RNLS: variants seen among roughly 807,000 people sequenced by gnomAD.
RNLS encodes renalase, FAD dependent amine oxidase, also known as renalase.
A neutral mutation model predicts 39.8 loss-of-function variants in RNLS; 39 were observed. The ratio of observed to expected loss-of-function variants is 0.98; its 90% CI spans 0.76 to 1.28. The LOEUF (loss-of-function observed/expected upper bound fraction) is 1.28. RNLS is among the 50% of genes most tolerant of loss of function. RNLS has a pLI of 0.00. For missense variants in RNLS, 410 were observed against 413.3 expected, an observed-to-expected ratio of 0.99 and a Z score of 0.07; for synonymous variants, 147 against 150.7, an observed-to-expected ratio of 0.98 and a Z score of 0.18.
chr10:88,443,490 C>T (rs1043157087), intron 4 of RNLS, among the ~76,000 whole-genome samples: 9 of 152,118 alleles, frequency 5.9e-5, no homozygotes, highest in African/African-American at 9.7e-5. Flanking sequence ...TGCAGCACAC[C>T]GAGCGTGAGC....
chr10:88,535,090 G>A (rs1847668083), intron 4 of RNLS, among the ~76,000 whole-genome samples: 1 of 151,918 alleles, frequency 6.6e-6, no homozygotes, highest in Admixed American at 6.6e-5. Context: ...TGATCAATTG[G>A]GGCAATAATA....
At chr10:88,287,952 C>A (rs2162361) in intron 6 of RNLS, among the ~76,000 whole-genome samples, 1 of 151,936 alleles carries the variant, frequency 6.6e-6, no homozygotes, top group Non-Finnish European at 1.5e-5. Context: ...TATATAAAAA[C>A]TCAAAACCCA....
intron 4 of RNLS, among the ~76,000 whole-genome samples, chr10:88,418,081 C>CTTTTTTTT (rs35536346): frequency 6.9e-6 from 1 of 143,926 alleles, no homozygotes; most frequent in African/African-American, 2.6e-5. Context: ...GAGCTTTTGT[C>CTTTTTTTT]TTTTTTTTTT....
intron 1 of RNLS, 67 bp downstream of exon 1, chr10:88,583,006 C>G: frequency 1.3e-6 from 2 of 1,556,286 alleles, no homozygotes; most frequent in Non-Finnish European, 1.8e-6. Flanking sequence ...TGGGTGCAGG[C>G]CCACACCACC....
At chr10:88,285,571 C>T in intron 6 of RNLS, 65 bp from the exon 7 acceptor site, 1 of 1,391,780 alleles carries the variant, frequency 7.2e-7, no homozygotes, top group Non-Finnish European at 1.0e-6. Flanking sequence ...ATGGCAACAC[C>T]CACCTGGAAA....
At chr10:88,381,728 T>G (rs1851509944) in intron 4 of RNLS, among the ~76,000 whole-genome samples, 1 of 151,978 alleles carries the variant, frequency 6.6e-6, no homozygotes, top group Non-Finnish European at 1.5e-5. Flanking sequence ...TTTCTAAATT[T>G]TAGAAAAATA....
chr10:88,496,767 T>C (rs1022599592), intron 4 of RNLS, among the ~76,000 whole-genome samples: 1 of 152,110 alleles, frequency 6.6e-6, no homozygotes, highest in Non-Finnish European at 1.5e-5. Flanking sequence ...TATTAATAGA[T>C]AGAGTTTAAG....
At chr10:88,455,130 T>C (rs1842557748) in intron 4 of RNLS, among the ~76,000 whole-genome samples, 1 of 152,190 alleles carries the variant, frequency 6.6e-6, no homozygotes, top group African/African-American at 2.4e-5. Context: ...GAGAGTAGTA[T>C]GTACTAAGTA....
At chr10:88,280,368 T>A (rs1448143517), downstream of RNLS, among the ~76,000 whole-genome samples, 1 of 152,188 alleles carries the variant, frequency 6.6e-6, no homozygotes, top group Non-Finnish European at 1.5e-5. Context: ...TGCAAAGTTA[T>A]AGGCTTGCCT....
At chr10:88,547,990 A>G (rs1848402521) in intron 4 of RNLS, among the ~76,000 whole-genome samples, 1 of 152,092 alleles carries the variant, frequency 6.6e-6, no homozygotes, top group Admixed American at 6.5e-5. Flanking sequence ...GGCTGGGCAC[A>G]GTGGCTCACG....
chr10:88,258,490 A>T, the RNLS span, among the ~76,000 whole-genome samples: 1 of 152,160 alleles, frequency 6.6e-6, no homozygotes, highest in South Asian at 2.1e-4. Flanking sequence ...TAAAAAGAGG[A>T]TTAATATTAC....
At chr10:88,333,177 T>G (rs1254945596) in intron 5 of RNLS, among the ~76,000 whole-genome samples, 1 of 152,234 alleles carries the variant, frequency 6.6e-6, no homozygotes, top group East Asian at 1.9e-4. Context: ...ATGCCTGGCT[T>G]AAATAAAATT....
chr10:88,175,453 A>G, the RNLS span, among the ~76,000 whole-genome samples: 7 of 152,038 alleles, frequency 4.6e-5, no homozygotes, highest in Admixed American at 4.6e-4. Flanking sequence ...TTCTATTCTC[A>G]TTGTTTCAAG....
chr10:88,395,861 G>A (rs981250636), intron 4 of RNLS, among the ~76,000 whole-genome samples: 13 of 152,042 alleles, frequency 8.6e-5, no homozygotes, highest in Non-Finnish European at 1.8e-4. Flanking sequence ...GACTCATTAT[G>A]TTCCAGGGAT....
Position 88,573,064 on chromosome 10 carries a change from G to C in RNLS, c.368-3C>G. 1 of 1,612,174 alleles carries C rather than the reference G, an allele frequency of 6.2e-7. No individual in the cohort carries two copies. The highest frequency in any genetic ancestry group is 8.5e-7 in the Non-Finnish European group (1 of 1,178,784). On this transcript the variant is annotated splice_region_variant and splice_polypyrimidine_tract_variant and intron_variant, in intron 3 of 6. Coordinates refer to ENST00000331772, the MANE Select transcript of RNLS (RefSeq NM_001031709.3). Reference sequence around the variant, plus strand: ...ATGTCTGAAGTAGACTTCTGCACCTGTTCCAAAAGCAAAATCATGTCCCCA... The same window carrying C: ...ATGTCTGAAGTAGACTTCTGCACCTCTTCCAAAAGCAAAATCATGTCCCCA...
chr10:88,422,380 C>T (rs1245311506), intron 4 of RNLS, among the ~76,000 whole-genome samples: 2 of 152,136 alleles, frequency 1.3e-5, no homozygotes, highest in Non-Finnish European at 2.9e-5. Context: ...ATTTCAAAAC[C>T]AATCTATACC....
At chr10:88,345,151 G>A (rs947235183) in intron 5 of RNLS, among the ~76,000 whole-genome samples, 1 of 152,124 alleles carries the variant, frequency 6.6e-6, no homozygotes, top group Non-Finnish European at 1.5e-5. Flanking sequence ...TGGGCAAAAA[G>A]ATGGATTGGT....
the RNLS span, among the ~76,000 whole-genome samples, chr10:88,203,452 GTGTGTATATATATATATATATATATA>G: frequency 0.033 from 19 of 580 alleles, 1 homozygote; most frequent in Middle Eastern, 0.17. Context: ...GTGTGTGTGT[GTGTGTATATATATATATATATATATA>G]TATATATATA....
At chr10:88,287,221 T>C (rs1843334252) in intron 6 of RNLS, among the ~76,000 whole-genome samples, 1 of 152,184 alleles carries the variant, frequency 6.6e-6, no homozygotes, top group Non-Finnish European at 1.5e-5. Flanking sequence ...TGGGCCTCTG[T>C]AGACCTGTGT....
Sources: allele counts gnomAD v4.1 joint callset (sites outside exome capture counted in the v4.1 genomes callset), GRCh38; gene constraint gnomAD v4.1.1; transcripts MANE v1.5; gene names NCBI Gene and HGNC (gene_info 2026-07-23, HGNC 2026-07-21).